Variants in PHC2 observed in about 807,000 individuals in gnomAD.
PHC2 encodes the protein polyhomeotic homolog 2, also known as polyhomeotic-like protein 2.
In PHC2, 29 loss-of-function variants were observed where a neutral mutation model predicts 87.4. The ratio of observed to expected loss-of-function variants is 0.33; its 90% CI spans 0.25 to 0.45. PHC2 has a LOEUF of 0.45. Among genes scored for constraint, PHC2 ranks in the 20% least tolerant of loss-of-function variants. The pLI is 1.00. For missense variants in PHC2, 857 were observed against 1,136.7 expected (o/e 0.75, Z 3.54); for synonymous variants, 438 against 461.7 (o/e 0.95, Z 0.66).
Position 33,332,262 on chromosome 1 carries a change from C to G in PHC2, c.1891+13G>C. ...GCTGGGAGGCCGAGAGATTCAGGGTCTGAGATGCCCACCTTGCAGATAGGG... is the reference window on the plus strand; with the variant it reads ...GCTGGGAGGCCGAGAGATTCAGGGTGTGAGATGCCCACCTTGCAGATAGGG... On this transcript the variant is annotated intron_variant, in intron 11 of 14. Coordinates refer to ENST00000683057, the MANE Select transcript of PHC2 (RefSeq NM_001385109.1). This position sits in a 1 kb window ranked among gnomAD's most constrained non-coding sequence, Gnocchi z 4.2. 1 of 1,614,042 alleles carries G rather than the reference C, an allele frequency of 6.2e-7. No individual in the cohort carries two copies. Among genetic ancestry groups the G allele is most frequent in the Non-Finnish European group, 8.5e-7 (1 of 1,179,924 alleles).
chr1:33,350,945 T>C (rs1181275026), intron 9 of PHC2, among the ~76,000 whole-genome samples: 4 of 152,230 alleles, frequency 2.6e-5, no homozygotes, highest in Non-Finnish European at 5.9e-5. Flanking sequence ...TTCCCTAACA[T>C]GCCCACACTT....
chr1:33,393,777 G>A (rs969063676), intron 1 of PHC2, among the ~76,000 whole-genome samples: 2 of 18,788 alleles, frequency 1.1e-4, no homozygotes, highest in African/African-American at 5.8e-4. Flanking sequence ...TGGGGACAAC[G>A]AAGAGATGGA....
intron 1 of PHC2, among the ~76,000 whole-genome samples, chr1:33,389,666 T>C (rs1250882917): frequency 6.6e-6 from 1 of 152,172 alleles, no homozygotes; most frequent in Non-Finnish European, 1.5e-5. Flanking sequence ...AGCCTTTAAT[T>C]GCTATTAACA....
intron 9 of PHC2, chr1:33,346,739 G>T: frequency 1.0e-6 from 1 of 985,360 alleles, no homozygotes; most frequent in Non-Finnish European, 1.2e-6. Flanking sequence ...AATGGTTACT[G>T]AACGCCTGGC....
At chr1:33,356,003 C>A (rs1426478271) in intron 7 of PHC2, among the ~76,000 whole-genome samples, 6 of 152,104 alleles carry the variant, frequency 3.9e-5, no homozygotes. Flanking sequence ...ACTACTATAT[C>A]AGTCTGGTTT....
chr1:33,329,067 T>C lies in PHC2; in HGVS notation c.2228A>G (p.Asp743Gly). 2 of 1,614,236 alleles carry C rather than the reference T, an allele frequency of 1.2e-6. No homozygotes were observed. The change falls in exon 14 of 15, where the codon GAT (aspartate) becomes GGT (glycine). Residue 743 changes from aspartate (D) to glycine (G), a missense_variant. This residue lies in a region of PHC2 where 832 missense variants were observed against 1,081.8 expected (regional missense o/e 0.77). Coordinates refer to ENST00000683057, the MANE Select transcript of PHC2 (RefSeq NM_001385109.1). ...HSQEDSSRCS[D>G]NSSYEEPLSP... Reference sequence around the variant, plus strand: ...CAAGGGTTCCTCATAGCTTGAGTTATCTGAGCAACGGCTGGAGTCTTCCTG... The same window carrying C: ...CAAGGGTTCCTCATAGCTTGAGTTACCTGAGCAACGGCTGGAGTCTTCCTG...
intron 9 of PHC2, among the ~76,000 whole-genome samples, chr1:33,338,558 G>C (rs1320770966): frequency 6.6e-6 from 1 of 152,228 alleles, no homozygotes; most frequent in Non-Finnish European, 1.5e-5. Context: ...CCCCTGCCAA[G>C]CTCAGCACAC....
chr1:33,329,174 G>T (rs1333366899), intron 13 of PHC2, 28 bp from the exon 14 acceptor site: 4 of 1,600,682 alleles, frequency 2.5e-6, no homozygotes, highest in Non-Finnish European at 2.6e-6. Flanking sequence ...TCTTCAGGAT[G>T]GGGGAACAAA....
chr1:33,344,000 T>C (rs1348150593), intron 9 of PHC2, among the ~76,000 whole-genome samples: 2 of 152,224 alleles, frequency 1.3e-5, no homozygotes, highest in Non-Finnish European at 2.9e-5. Context: ...TATGCAGTTT[T>C]TTCATAAAGG....
Position 33,369,002 on chromosome 1 carries a change from C to T in PHC2, c.577-380G>A, listed in dbSNP as rs901331303. ...TACGCTGAAGCCACCACCTCCTTAG[C>T]GTCCTGGGAAGCGAGATGGATGCCC... On this transcript the variant is annotated intron_variant, in intron 5 of 14. Transcript: ENST00000683057. This position sits in a 1 kb window ranked among gnomAD's most constrained non-coding sequence, Gnocchi z 4.7. Among the ~76,000 whole-genome samples the T allele has an allele frequency of 2.6e-5, 4 of 152,268 alleles. No individual in the cohort carries two copies. Among genetic ancestry groups the T allele is most frequent in the South Asian group, 2.1e-4 (1 of 4,834 alleles).
rs183571942 is a variant in PHC2, at chr1:33,427,166, T to C, written c.-55+3810A>G. ...CTTTCCGTGCTGCCAAGAGGTTGTG[T>C]GGTTATAATCTGGTGCTGGGAAGAT... On this transcript the variant is annotated intron_variant, in intron 1 of 14. Transcript: ENST00000683057. 3.2e-3 allele frequency among the ~76,000 whole-genome samples: 488 copies of C among 152,308 alleles called. 1 individual carries two copies. Among genetic ancestry groups the C allele is most frequent in the African/African-American group, 0.011 (469 of 41,552 alleles).
chr1:33,344,220 G>T (rs189117001), intron 9 of PHC2, among the ~76,000 whole-genome samples: 1 of 152,154 alleles, frequency 6.6e-6, no homozygotes, highest in Non-Finnish European at 1.5e-5. Context: ...GATTTCTACC[G>T]GTTTACAAAA....
At chr1:33,412,058 T>C (rs1650004913) in intron 1 of PHC2, among the ~76,000 whole-genome samples, 1 of 152,122 alleles carries the variant, frequency 6.6e-6, no homozygotes, top group Admixed American at 6.5e-5. Flanking sequence ...GCCATTCAAT[T>C]GTCTATTCAA....
At chr1:33,423,934 CA>C (rs1160297002) in intron 1 of PHC2, among the ~76,000 whole-genome samples, 3 of 151,674 alleles carry the variant, frequency 2.0e-5, no homozygotes, top group Admixed American at 6.6e-5. Context: ...ACATCTCTAC[CA>C]AAAATACAAA....
chr1:33,361,052 AT>A, intron 7 of PHC2, among the ~76,000 whole-genome samples: 1 of 152,326 alleles, frequency 6.6e-6, no homozygotes. Context: ...ACAAAAAGGG[AT>A]TGTTAACGCC....
intron 6 of PHC2, among the ~76,000 whole-genome samples, chr1:33,367,995 C>T (rs1027430171): frequency 6.6e-6 from 1 of 152,174 alleles, no homozygotes; most frequent in African/African-American, 2.4e-5. Flanking sequence ...ATCCGGCTAC[C>T]AGCCCTGTCC....
At chr1:33,358,600 G>C (rs1647137173) in intron 7 of PHC2, among the ~76,000 whole-genome samples, 1 of 152,174 alleles carries the variant, frequency 6.6e-6, no homozygotes, top group Admixed American at 6.5e-5. Flanking sequence ...AGCTTAGAGA[G>C]AGCAAACTAA....
In PHC2 at chr1:33,377,335, A is replaced by G. The variant is rs547528062; in HGVS notation, c.-54-1742T>C. On this transcript the variant is annotated intron_variant, in intron 1 of 14. Coordinates refer to ENST00000683057, the MANE Select transcript of PHC2 (RefSeq NM_001385109.1). ...AGATCCAATAGATAGGGTCTCTCCT[A>G]AGACAGAAATGGCAGAACCTTCTGG... Among the ~76,000 whole-genome samples the G allele has an allele frequency of 2.6e-5, 4 of 152,304 alleles. No homozygotes were observed. In the South Asian group the frequency reaches 8.3e-4, roughly 32 times the overall value.
chr1:33,414,235 T>C (rs1159308001), intron 1 of PHC2, among the ~76,000 whole-genome samples: 2 of 149,804 alleles, frequency 1.3e-5, no homozygotes, highest in Non-Finnish European at 3.0e-5. Context: ...GGTTAACAGT[T>C]GAGGTTGATT....
Sources: allele counts gnomAD v4.1 joint callset (sites outside exome capture counted in the v4.1 genomes callset), GRCh38; gene constraint gnomAD v4.1.1; regional missense constraint gnomAD v4.1.1; non-coding constraint Gnocchi (gnomAD v3.1); transcripts MANE v1.5; gene names NCBI Gene and HGNC (gene_info 2026-07-23, HGNC 2026-07-21).